Variants in CDK5 observed in about 807,000 individuals in gnomAD.
CDK5 encodes the protein cyclin-dependent kinase 5.
Under a neutral mutation model 44.6 loss-of-function variants are expected in CDK5, and 18 were observed. The ratio of observed to expected loss-of-function variants is 0.40; its 90% CI spans 0.28 to 0.60. CDK5 has a LOEUF of 0.60. CDK5 is among the 20% of genes least tolerant of loss of function. The probability of loss-of-function intolerance (pLI) is 0.38; values close to 1 mark genes in which losing one functional copy is unlikely to be tolerated. For synonymous variants in CDK5, 143 were observed against 152.8 expected (o/e 0.94, Z 0.47); for missense variants, 198 against 368.1 (o/e 0.54, Z 3.78).
rs1280323325 is a variant in CDK5 at position 151,054,904 on chromosome 7, T to A, written c.650+123A>T. The A allele has an allele frequency of 7.5e-6, 7 of 927,842 alleles. No homozygotes were observed. The highest frequency in any genetic ancestry group is 1.0e-5 in the Non-Finnish European group (6 of 583,994). The allele number at this position is 927,842 out of a possible 1,614,324, so 57.5% of individuals were successfully genotyped here. A position where few individuals can be genotyped will look rare whatever the true frequency, so the allele number is the denominator to read the frequency against. On this transcript the variant is annotated intron_variant, in intron 9 of 11. Transcript: ENST00000485972. The surrounding 1 kb of genome is among the most constrained non-coding windows in gnomAD (Gnocchi z 5.7). ...GCACCCCTGCTCTCTCCCCTTGCCC[T>A]CAGGAGAAGCCCTACAGACCCCATC...
chr7:151,054,072 G>T lies in CDK5; in HGVS notation c.816C>A (p.Val272=). 6.2e-7 allele frequency: 1 copy of T among 1,602,370 alleles called. No homozygotes were observed. Among genetic ancestry groups the T allele is most frequent in the Non-Finnish European group, 8.5e-7 (1 of 1,174,610 alleles). Reference sequence around the variant, plus strand: ...GGGCCTCTTCTGCTGAGATACGCTGGACAGGGTTACACTTCAGAAGGTTCT... The same window carrying T: ...GGGCCTCTTCTGCTGAGATACGCTGTACAGGGTTACACTTCAGAAGGTTCT... ...LLQNLLKCNP[V]QRISAEEALQ... is the part of the protein sequence containing the mutation. The change falls in exon 12 of 12, where the codon GTC becomes GTA. Residue 272 remains valine, a synonymous_variant. Coordinates refer to ENST00000485972, the MANE Select transcript of CDK5 (RefSeq NM_004935.4). This position sits in a 1 kb window ranked among gnomAD's most constrained non-coding sequence, Gnocchi z 5.7.
rs1796840981 is a variant in CDK5 at position 151,053,883 on chromosome 7, C to T, written c.*126G>A. ...AGGGAGTGAGAAATTCGGGCTCAGG[C>T]ACCCCACCCCGGCTGGGCCCAGCAC... is the stretch of plus-strand genomic sequence containing the variant. On this transcript the variant is annotated 3_prime_UTR_variant, in exon 12 of 12. Transcript: ENST00000485972. 1.3e-6 allele frequency: 1 copy of T among 756,428 alleles called. No homozygotes were observed. Among genetic ancestry groups the T allele is most frequent in the Non-Finnish European group, 2.1e-6 (1 of 470,630 alleles). The allele number at this position is 756,428 out of a possible 1,614,324, so 46.9% of individuals were successfully genotyped here.
chr7:151,055,605 T>C lies in CDK5; in HGVS notation c.410A>G (p.Asn137Ser). Residue 137 changes from asparagine (N) to serine (S), a missense_variant and splice_region_variant, in exon 7 of 12, where the codon AAT (asparagine) becomes AGT (serine). Around this residue, in one of 4 missense-constraint regions of CDK5, gnomAD observed 38 missense variants for 115.0 expected, o/e 0.33. Transcript: ENST00000485972. ...AAAATCAGCCAATTTCAGCTCCCCA[T>C]TCTGAAGGGAATGGGAAGGGGACAT... ...LKPQNLLINR[N>S]GELKLADFGL... The C allele has an allele frequency of 6.2e-7, 1 of 1,613,534 alleles. No individual in the cohort carries two copies. The highest frequency in any genetic ancestry group is 1.3e-5 in the African/African-American group (1 of 75,018).
chr7:151,057,354 G>T lies in CDK5; in HGVS notation c.38-194C>A. On this transcript the variant is annotated intron_variant, in intron 1 of 11. Coordinates refer to ENST00000485972, the MANE Select transcript of CDK5 (RefSeq NM_004935.4). The surrounding 1 kb of genome is among the most constrained non-coding windows in gnomAD (Gnocchi z 5.2). The stretch of plus-strand genomic sequence containing the variant: ...GGAGAAGGTGCCCACCGAGGCTCCA[G>T]GGGCTCGGCAGGAGGGGCGAGTGCG... The T allele has an allele frequency of 1.6e-6, 1 of 626,534 alleles. No homozygotes were observed. Among genetic ancestry groups the T allele is most frequent in the Non-Finnish European group, 2.9e-6 (1 of 349,228 alleles). 38.8% of individuals were successfully genotyped at this position (626,534 alleles called of 1,614,324 possible). A position where few individuals can be genotyped will look rare whatever the true frequency, so the allele number is the denominator to read the frequency against.
In CDK5 at chr7:151,056,025, T is replaced by A. The variant is rs1047720280; in HGVS notation, c.313-177A>T. On this transcript the variant is annotated intron_variant, in intron 5 of 11. Coordinates refer to ENST00000485972, the MANE Select transcript of CDK5 (RefSeq NM_004935.4). The surrounding 1 kb of genome is among the most constrained non-coding windows in gnomAD (Gnocchi z 4.7). ...GACCTGCTTTATACTGTGCTAGGCA[T>A]TAGAGGGACCAAAGTAAAGAAGCTG... is the stretch of plus-strand genomic sequence containing the variant. 3.3e-6 allele frequency: 2 copies of A among 602,106 alleles called. No individual in the cohort carries two copies. The highest frequency in any genetic ancestry group is 6.0e-6 in the Non-Finnish European group (2 of 335,966). The allele number at this position is 602,106 out of a possible 1,614,324, so 37.3% of individuals were successfully genotyped here.
chr7:151,057,811 C>A lies in CDK5; in HGVS notation c.37+1G>T. The A allele has an allele frequency of 6.2e-7, 1 of 1,611,612 alleles. No homozygotes were observed. Among genetic ancestry groups the A allele is most frequent in the Non-Finnish European group, 8.5e-7 (1 of 1,178,930 alleles). On this transcript the variant is annotated splice_donor_variant, in intron 1 of 11. Coordinates refer to ENST00000485972, the MANE Select transcript of CDK5 (RefSeq NM_004935.4). LOFTEE classifies it high-confidence loss of function. The surrounding 1 kb of genome is among the most constrained non-coding windows in gnomAD (Gnocchi z 5.2). ...GCAGGAACATCTCGAGATTCCATTA[C>A]CTTCCCCAATCTTTTCCAGTTTCTC... is the stretch of plus-strand genomic sequence containing the variant.
Position 151,054,161 on chromosome 7 carries a change from TA to T in CDK5, c.792+50del. 6.3e-7 allele frequency: 1 copy of T among 1,592,360 alleles called. No individual in the cohort carries two copies. The highest frequency in any genetic ancestry group is 1.1e-5 in the South Asian group (1 of 88,194). On this transcript the variant is annotated intron_variant, in intron 11 of 11. Transcript: ENST00000485972. This position sits in a 1 kb window ranked among gnomAD's most constrained non-coding sequence, Gnocchi z 5.7. Reference sequence around the variant, plus strand: ...CACTGCCCAGAGCCCTGCCTTCCTGTAGTCCCACTGGGCAAGTGTCCTGACC... The same window carrying T: ...CACTGCCCAGAGCCCTGCCTTCCTGTGTCCCACTGGGCAAGTGTCCTGACC...
Position 151,055,341 on chromosome 7 carries a change from G to A in CDK5, c.516C>T (p.Val172=), listed in dbSNP as rs1490520136. The A allele has an allele frequency of 7.4e-6, 12 of 1,613,766 alleles. No individual in the cohort carries two copies. Among genetic ancestry groups the A allele is most frequent in the Admixed American group, 5.0e-5 (3 of 59,996 alleles). The part of the protein sequence containing the change: ...VVTLWYRPPD[V]LFGAKLYSTS... The stretch of plus-strand genomic sequence containing the variant: ...TGGAGTACAGCTTGGCCCCAAAGAG[G>A]ACATCCGGTGGGCGGTACCACAGTG... The change falls in exon 8 of 12, where the codon GTC becomes GTT. Residue 172 remains valine (V), a synonymous_variant. Coordinates refer to ENST00000485972, the MANE Select transcript of CDK5 (RefSeq NM_004935.4).
At position 151,054,090 on chromosome 7, in the gene CDK5, A is replaced by G. The variant is rs902453827; in HGVS notation, c.798T>C (p.Leu266=). The G allele has an allele frequency of 6.3e-7, 1 of 1,599,678 alleles. No individual in the cohort carries two copies. Among genetic ancestry groups the G allele is most frequent in the Non-Finnish European group, 8.5e-7 (1 of 1,173,184 alleles). Residue 266 remains leucine, a synonymous_variant, in exon 12 of 12, where the codon CTT becomes CTC. Transcript: ENST00000485972. The surrounding 1 kb of genome is among the most constrained non-coding windows in gnomAD (Gnocchi z 5.7). ...NATGRDLLQN[L]LKCNPVQRIS... ...TACGCTGGACAGGGTTACACTTCAG[A>G]AGGTTCTGGAGATGGGGGAAAGGAG...
Position 151,057,128 on chromosome 7 carries a change from G to C in CDK5, c.70C>G (p.Arg24Gly), listed in dbSNP as rs1171871785. The C allele has an allele frequency of 6.2e-7, 1 of 1,613,964 alleles. No individual in the cohort carries two copies. The highest frequency in any genetic ancestry group is 8.5e-7 in the Non-Finnish European group (1 of 1,179,876). ...AGAGCCACGATCTCATGAGTCTCCC[G>C]GTTTTTGGCCTTGAACACAGTTCCG... ...TYGTVFKAKN[R>G]ETHEIVALKR... is the part of the protein sequence containing the mutation. Residue 24 changes from arginine (R) to glycine (G), a missense_variant, in exon 2 of 12, where the codon CGG (arginine) becomes GGG (glycine). Arg to Gly is a moderately radical substitution (Grantham distance 125). This residue lies in a region of CDK5 where 53 missense variants were observed against 122.7 expected (regional missense o/e 0.43). Transcript: ENST00000485972. This position sits in a 1 kb window ranked among gnomAD's most constrained non-coding sequence, Gnocchi z 5.2.
At position 151,057,807 on chromosome 7, in the gene CDK5, A is replaced by T. The variant is rs760836711; in HGVS notation, c.37+5T>A. ...TCTTGCAGGAACATCTCGAGATTCCATTACCTTCCCCAATCTTTTCCAGTT... is the reference window on the plus strand; with the variant it reads ...TCTTGCAGGAACATCTCGAGATTCCTTTACCTTCCCCAATCTTTTCCAGTT... On this transcript the variant is annotated splice_donor_5th_base_variant and intron_variant, in intron 1 of 11. Transcript: ENST00000485972. The surrounding 1 kb of genome is among the most constrained non-coding windows in gnomAD (Gnocchi z 5.2). The T allele has an allele frequency of 6.2e-7, 1 of 1,611,186 alleles. No homozygotes were observed. The highest frequency in any genetic ancestry group is 1.1e-5 in the South Asian group (1 of 90,370).
At position 151,053,995 on chromosome 7, in the gene CDK5, G is replaced by A. The variant is rs368178302; in HGVS notation, c.*14C>T. 1.1e-5 allele frequency: 18 copies of A among 1,574,240 alleles called. No individual in the cohort carries two copies. Among genetic ancestry groups the A allele is most frequent in the Admixed American group, 7.4e-5 (4 of 53,832 alleles). On this transcript the variant is annotated 3_prime_UTR_variant, in exon 12 of 12. Transcript: ENST00000485972. ...TAGGCCAGGCCCCAGCCTGGAGGCC[G>A]GGGGTCCCGGGGCCTAGGGCGGACA...
Position 151,056,899 on chromosome 7 carries a change from C to T in CDK5, c.194+9G>A. ...CCACACCGGCAAGGAGCACCCGCCT[C>T]CCGCACACCTGACGATGTTCTTGTG... On this transcript the variant is annotated intron_variant, in intron 3 of 11. Transcript: ENST00000485972. This position sits in a 1 kb window ranked among gnomAD's most constrained non-coding sequence, Gnocchi z 4.7. 3 of 1,605,724 alleles carry T rather than the reference C, an allele frequency of 1.9e-6. No homozygotes were observed. Among genetic ancestry groups the T allele is most frequent in the African/African-American group, 1.3e-5 (1 of 74,848 alleles).
chr7:151,055,016 A>G lies in CDK5; in HGVS notation c.650+11T>C. ...TCCCAGAGGGCTCAAGGCAGAGGAA[A>G]GCAAGGATATCGGAAGATCCTCTTC... On this transcript the variant is annotated intron_variant, in intron 9 of 11. Coordinates refer to ENST00000485972, the MANE Select transcript of CDK5 (RefSeq NM_004935.4). The G allele has an allele frequency of 6.2e-7, 1 of 1,613,680 alleles. No homozygotes were observed.
At chr7:151,055,214 C>A (rs1225497751) in intron 8 of CDK5, 63 bp downstream of exon 8, 4 of 1,569,058 alleles carry the variant, frequency 2.5e-6, no homozygotes, top group Non-Finnish European at 3.5e-6. Flanking sequence ...AGGGGACCCT[C>A]CAGACCCTAT....
At chr7:151,055,495 T>C in intron 7 of CDK5, 37 bp downstream of exon 7, 4 of 1,583,964 alleles carry the variant, frequency 2.5e-6, no homozygotes, top group East Asian at 2.2e-5. Flanking sequence ...GCTGAGGGAC[T>C]CCCTCCCCCA....
chr7:151,057,863 G>A lies in CDK5; in HGVS notation c.-15C>T, dbSNP rs1158626401. 6.2e-7 allele frequency: 1 copy of A among 1,606,972 alleles called. No homozygotes were observed. Among genetic ancestry groups the A allele is most frequent in the Non-Finnish European group, 8.5e-7 (1 of 1,177,044 alleles). ...TATTTCTGCATCGCGGCGGCCGCGGGGACCCCTGCGGGCCCTCGGTTTTAA... is the reference window on the plus strand; with the variant it reads ...TATTTCTGCATCGCGGCGGCCGCGGAGACCCCTGCGGGCCCTCGGTTTTAA... On this transcript the variant is annotated 5_prime_UTR_variant, in exon 1 of 12. Transcript: ENST00000485972. The surrounding 1 kb of genome is among the most constrained non-coding windows in gnomAD (Gnocchi z 5.2).
intron 6 of CDK5, 28 bp from the exon 7 acceptor site, chr7:151,055,634 G>A (rs771961587): frequency 1.2e-6 from 2 of 1,606,650 alleles, no homozygotes; most frequent in Non-Finnish European, 8.5e-7. Context: ...GGGACATGGA[G>A]AAGGGCCTTT....
At position 151,055,365 on chromosome 7, in the gene CDK5, T is replaced by C; in HGVS notation, c.492A>G (p.Thr164=). 6.2e-7 allele frequency: 1 copy of C among 1,612,840 alleles called. No homozygotes were observed. The highest frequency in any genetic ancestry group is 8.5e-7 in the Non-Finnish European group (1 of 1,178,944). Residue 164 remains threonine, a synonymous_variant, in exon 8 of 12, where the codon ACA becomes ACG. Transcript: ENST00000485972. The part of the protein sequence containing the change: ...PVRCYSAEVV[T]LWYRPPDVLF... ...GGACATCCGGTGGGCGGTACCACAG[T>C]GTGACCACCTGGAGGAGACCCCCCC... is the stretch of plus-strand genomic sequence containing the variant.
Sources: allele counts gnomAD v4.1 joint callset, GRCh38; gene constraint gnomAD v4.1.1; regional missense constraint gnomAD v4.1.1; non-coding constraint Gnocchi (gnomAD v3.1); transcripts MANE v1.5; gene names NCBI Gene and HGNC (gene_info 2026-07-23, HGNC 2026-07-21).